CNTLN: variants seen among roughly 807,000 people sequenced by gnomAD.
The protein encoded by CNTLN is centlein, also known as centlein, centrosomal protein.
CNTLN carries 212 observed loss-of-function variants against 180.0 expected under a neutral mutation model. The ratio of observed to expected loss-of-function variants is 1.18; its 90% CI spans 1.05 to 1.32. The LOEUF is 1.32. CNTLN is among the 40% of genes most tolerant of loss of function. The probability of loss-of-function intolerance (pLI) is 0.00; values close to 1 mark genes in which losing one functional copy is unlikely to be tolerated. For missense variants in CNTLN, 2,095 were observed against 1,610.9 expected, an observed-to-expected ratio of 1.30 and a Z score of -5.14; for synonymous variants, 722 against 563.1, an observed-to-expected ratio of 1.28 and a Z score of -3.99.
intron 13 of CNTLN, among the ~76,000 whole-genome samples, chr9:17,380,437 A>G (rs1460334996): frequency 1.3e-5 from 2 of 152,334 alleles, no homozygotes; most frequent in Non-Finnish European, 2.9e-5. Context: ...AGATACAGAT[A>G]CGTGTGTAAC....
At chr9:17,400,291 C>T (rs981120284) in intron 15 of CNTLN, among the ~76,000 whole-genome samples, 10 of 152,142 alleles carry the variant, frequency 6.6e-5, no homozygotes, top group Non-Finnish European at 1.3e-4. Context: ...GCGCACACCA[C>T]AATGCCCGGC....
At chr9:17,300,566 T>C (rs1479687608) in intron 7 of CNTLN, 1 of 152,224 alleles carries the variant, frequency 6.6e-6, no homozygotes, top group Non-Finnish European at 1.5e-5. Context: ...ACCTGGATTA[T>C]TGCAGTAACT....
At chr9:17,518,993 G>A in the CNTLN span, among the ~76,000 whole-genome samples, 1 of 152,090 alleles carries the variant, frequency 6.6e-6, no homozygotes, top group South Asian at 2.1e-4. Context: ...GTACGATCAT[G>A]GCTCACTGAA....
At chr9:17,505,742 C>T (rs1833922181), downstream of CNTLN, among the ~76,000 whole-genome samples, 1 of 152,082 alleles carries the variant, frequency 6.6e-6, no homozygotes, top group Non-Finnish European at 1.5e-5. Flanking sequence ...TTCCTACCAA[C>T]ATCACAGCAA....
At chr9:17,302,029 C>G in intron 7 of CNTLN, 1 of 984,750 alleles carries the variant, frequency 1.0e-6, no homozygotes. Flanking sequence ...CTGCAATAAA[C>G]ATTTCTTTGT....
chr9:17,292,989 CTGTT>C (rs893586701), intron 6 of CNTLN, among the ~76,000 whole-genome samples: 8 of 152,142 alleles, frequency 5.3e-5, no homozygotes, highest in African/African-American at 1.7e-4. Flanking sequence ...TTGTTGCTTT[CTGTT>C]TGTTTTTCTT....
At chr9:17,241,119 A>G (rs891053052) in intron 5 of CNTLN, among the ~76,000 whole-genome samples, 39 of 152,114 alleles carry the variant, frequency 2.6e-4, no homozygotes, top group African/African-American at 9.2e-4. Context: ...TGGCCTCCCA[A>G]AGTGCTGGGA....
chr9:17,477,787 A>G (rs1049718872), intron 23 of CNTLN, among the ~76,000 whole-genome samples: 10 of 152,240 alleles, frequency 6.6e-5, no homozygotes, highest in African/African-American at 2.4e-4. Flanking sequence ...TGAACATTGT[A>G]GAAATGACAA....
At chr9:17,407,549 G>A (rs951112114) in intron 15 of CNTLN, among the ~76,000 whole-genome samples, 2 of 152,146 alleles carry the variant, frequency 1.3e-5, no homozygotes, top group Admixed American at 6.5e-5. Flanking sequence ...TGCCTACAGG[G>A]TAGTTTATTT....
chr9:17,457,587 T>C lies in CNTLN; in HGVS notation c.3178T>C (p.Ser1060Pro), dbSNP rs1033098372. 1 of 1,552,302 alleles carries C rather than the reference T, an allele frequency of 6.4e-7. No homozygotes were observed. Among genetic ancestry groups the C allele is most frequent in the East Asian group, 2.4e-5 (1 of 41,290 alleles). The change falls in exon 19 of 26, where the codon TCC (serine) becomes CCC (proline). Residue 1060 changes from serine (S) to proline (P), a missense_variant. Physicochemically the swap from Ser to Pro is moderately conservative, Grantham distance 74. Transcript: ENST00000380647. The stretch of plus-strand genomic sequence containing the variant: ...AGAAGATTTACTAAAGAAATTGGAG[T>C]CCTCATCTGAAATCACAAGTTTGGC... ...EKEDLLKKLESSSEITSLAEE... is the reference protein window; with the variant it reads ...EKEDLLKKLEPSSEITSLAEE...
At chr9:17,475,485 A>C (rs927254139) in intron 23 of CNTLN, among the ~76,000 whole-genome samples, 1 of 151,496 alleles carries the variant, frequency 6.6e-6, no homozygotes, top group Non-Finnish European at 1.5e-5. Context: ...CATCAATCTA[A>C]CACAAGCCGG....
At chr9:17,461,915 ACT>A (rs564956171) in intron 19 of CNTLN, among the ~76,000 whole-genome samples, 3 of 151,842 alleles carry the variant, frequency 2.0e-5, no homozygotes, top group African/African-American at 7.2e-5. Context: ...GTGTTCTAAC[ACT>A]CTAGTTACCA....
chr9:17,255,198 G>T (rs761439857), intron 5 of CNTLN, among the ~76,000 whole-genome samples: 1 of 151,642 alleles, frequency 6.6e-6, no homozygotes, highest in Non-Finnish European at 1.5e-5. Flanking sequence ...AGTTGCTCTG[G>T]CTAGGACATT....
intron 2 of CNTLN, among the ~76,000 whole-genome samples, chr9:17,215,993 C>A (rs1263728103): frequency 6.6e-6 from 1 of 152,158 alleles, no homozygotes; most frequent in African/African-American, 2.4e-5. Context: ...TGACCCCTTA[C>A]ACTTCCCGGG....
intron 5 of CNTLN, among the ~76,000 whole-genome samples, chr9:17,263,700 C>T (rs10962970): frequency 7.9e-6 from 1 of 126,696 alleles, no homozygotes; most frequent in Non-Finnish European, 1.6e-5. Context: ...CCTCTCCAGC[C>T]CCTGTTGTTT....
intron 12 of CNTLN, among the ~76,000 whole-genome samples, chr9:17,362,108 TTTCCAAAAGAAACAAGCTGTAA>T (rs1823441612): frequency 6.6e-6 from 1 of 152,212 alleles, no homozygotes; most frequent in Admixed American, 6.5e-5. Flanking sequence ...GTGTGTGTTC[TTTCCAAAAGAAACAAGCTGTAA>T]GTATAAAGTA....
chr9:17,209,735 C>T (rs1823159642), intron 2 of CNTLN, among the ~76,000 whole-genome samples: 1 of 152,158 alleles, frequency 6.6e-6, no homozygotes, highest in African/African-American at 2.4e-5. Context: ...TACTCATACT[C>T]ATTTGAGAGA....
chr9:17,295,957 C>T (rs1587549903), intron 6 of CNTLN, among the ~76,000 whole-genome samples: 1 of 145,732 alleles, frequency 6.9e-6, no homozygotes, highest in Non-Finnish European at 1.5e-5. Flanking sequence ...TGAGCATCTC[C>T]CTACTCTTCA....
At chr9:17,398,055 A>G (rs978563250) in intron 15 of CNTLN, among the ~76,000 whole-genome samples, 2 of 151,990 alleles carry the variant, frequency 1.3e-5, no homozygotes, top group African/African-American at 4.8e-5. Context: ...TATATAAAAT[A>G]CTATATCATA....
Sources: gnomAD v4.1 joint callset for allele counts (sites outside exome capture counted in the v4.1 genomes callset) on GRCh38, gnomAD v4.1.1 for gene constraint, MANE v1.5 for transcripts, NCBI Gene and HGNC (gene_info 2026-07-23, HGNC 2026-07-21) for gene names.